Variants in SDK1 observed in about 807,000 individuals in gnomAD.
The protein encoded by SDK1 is protein sidekick-1.
Under a neutral mutation model 245.5 loss-of-function variants are expected in SDK1, and 157 were observed. That is an observed-to-expected ratio of 0.64 (90% CI 0.56 to 0.73). The LOEUF (loss-of-function observed/expected upper bound fraction) is 0.73. Among genes scored for constraint, SDK1 ranks in the 30% least tolerant of loss-of-function variants. The pLI is 0.00. For missense variants in SDK1, 3,583 were observed against 3,002.3 expected, an observed-to-expected ratio of 1.19 and a Z score of -4.52; for synonymous variants, 1,647 against 1,278.5, an observed-to-expected ratio of 1.29 and a Z score of -6.15.
chr7:3,648,224 G>T (rs1562629123), intron 4 of SDK1, among the ~76,000 whole-genome samples: 1 of 152,070 alleles, frequency 6.6e-6, no homozygotes, highest in South Asian at 2.1e-4. Flanking sequence ...ATGCCATGCT[G>T]TACTTCTCTT....
chr7:3,480,391 C>T (rs557456109), intron 1 of SDK1, among the ~76,000 whole-genome samples: 13 of 151,856 alleles, frequency 8.6e-5, no homozygotes, highest in Admixed American at 2.0e-4. Context: ...TTCCGTGTTC[C>T]GGATAAGCTG....
At chr7:3,773,053 A>G (rs1329738016) in intron 4 of SDK1, among the ~76,000 whole-genome samples, 2 of 152,202 alleles carry the variant, frequency 1.3e-5, no homozygotes, top group African/African-American at 4.8e-5. Flanking sequence ...AGAGATTGTT[A>G]AACTTCTTAG....
intron 35 of SDK1, among the ~76,000 whole-genome samples, chr7:4,193,299 T>G (rs1408655636): frequency 7.4e-6 from 1 of 135,606 alleles, no homozygotes; most frequent in Non-Finnish European, 1.5e-5. Context: ...AAATTACATA[T>G]AAAAATATTA....
chr7:4,122,650 A>G (rs939850586), intron 25 of SDK1, among the ~76,000 whole-genome samples: 1 of 152,168 alleles, frequency 6.6e-6, no homozygotes, highest in East Asian at 1.9e-4. Context: ...ACCGAGAGAG[A>G]CCACATGAGG....
intron 5 of SDK1, among the ~76,000 whole-genome samples, chr7:3,892,933 C>G (rs1781497885): frequency 6.6e-6 from 1 of 152,172 alleles, no homozygotes; most frequent in Admixed American, 6.5e-5. Context: ...GTTCTGATCT[C>G]TGCCAGCGCA....
chr7:3,422,196 G>A (rs1400756209), intron 1 of SDK1, among the ~76,000 whole-genome samples: 2 of 152,062 alleles, frequency 1.3e-5, no homozygotes, highest in African/African-American at 4.8e-5. Flanking sequence ...TGAATCAAAT[G>A]CAATAATTCT....
At position 3,454,144 on chromosome 7, in the gene SDK1, A is replaced by G. The variant is rs369277495; in HGVS notation, c.298+152260A>G. On this transcript the variant is annotated intron_variant, in intron 1 of 44. Transcript: ENST00000404826. ...TTATATAAACTTGGACCCGAGATCAATTGGTTGCCTGCTTACTCATTCTAT... is the reference window on the plus strand; with the variant it reads ...TTATATAAACTTGGACCCGAGATCAGTTGGTTGCCTGCTTACTCATTCTAT... 5.1e-4 allele frequency among the ~76,000 whole-genome samples: 77 copies of G among 152,316 alleles called. 2 individuals carry two copies. Among genetic ancestry groups the G allele is most frequent in the African/African-American group, 7.9e-4 (33 of 41,562 alleles).
chr7:3,526,363 CAT>C (rs1242335202), intron 1 of SDK1, among the ~76,000 whole-genome samples: 2 of 152,108 alleles, frequency 1.3e-5, no homozygotes, highest in Non-Finnish European at 2.9e-5. Context: ...ATATTTTTCA[CAT>C]ATTGGAGATA....
At chr7:4,109,278 T>C (rs1783169019) in intron 22 of SDK1, among the ~76,000 whole-genome samples, 1 of 152,186 alleles carries the variant, frequency 6.6e-6, no homozygotes, top group African/African-American at 2.4e-5. Flanking sequence ...TTGAGAGTTT[T>C]GCGCTTTGCC....
At chr7:3,937,328 C>T (rs1458811069) in intron 5 of SDK1, among the ~76,000 whole-genome samples, 1 of 152,158 alleles carries the variant, frequency 6.6e-6, no homozygotes, top group Non-Finnish European at 1.5e-5. Flanking sequence ...GTCATGCGTT[C>T]CAGTGGGGGA....
chr7:3,354,223 C>G (rs575894864), intron 1 of SDK1, among the ~76,000 whole-genome samples: 5 of 152,040 alleles, frequency 3.3e-5, no homozygotes, highest in East Asian at 1.9e-4. Flanking sequence ...TGGTCTTGAT[C>G]TCCTGACCTC....
chr7:3,718,805 G>C (rs141193539), intron 4 of SDK1, among the ~76,000 whole-genome samples: 1 of 151,904 alleles, frequency 6.6e-6, no homozygotes, highest in Non-Finnish European at 1.5e-5. Context: ...AAAAAAAAAG[G>C]CATCCAAGTT....
chr7:3,761,478 C>T (rs1332956292), intron 4 of SDK1, among the ~76,000 whole-genome samples: 9 of 150,252 alleles, frequency 6.0e-5, no homozygotes, highest in Admixed American at 4.0e-4. Context: ...GGCCTGAACC[C>T]GGGAGGCGGA....
At chr7:3,580,638 A>T (rs528577729) in intron 1 of SDK1, among the ~76,000 whole-genome samples, 52 of 152,268 alleles carry the variant, frequency 3.4e-4, no homozygotes, top group Middle Eastern at 3.4e-3. Context: ...CTCAAGATGG[A>T]TTAAAGACTT....
At chr7:3,905,991 C>G (rs1247357194) in intron 5 of SDK1, among the ~76,000 whole-genome samples, 2 of 152,012 alleles carry the variant, frequency 1.3e-5, no homozygotes, top group Non-Finnish European at 2.9e-5. Flanking sequence ...TGGTCTCCTT[C>G]TAGAACTCCG....
chr7:4,150,152 A>G (rs1484196925), intron 30 of SDK1, among the ~76,000 whole-genome samples: 1 of 152,086 alleles, frequency 6.6e-6, no homozygotes, highest in African/African-American at 2.4e-5. Flanking sequence ...TGGGCATCCC[A>G]GGGCTTAGAA....
intron 7 of SDK1, among the ~76,000 whole-genome samples, chr7:3,952,810 A>G (rs1780937202): frequency 6.6e-6 from 1 of 152,178 alleles, no homozygotes; most frequent in African/African-American, 2.4e-5. Flanking sequence ...AATGCTGGAA[A>G]CTATTAGTGT....
At chr7:3,581,188 G>A (rs2128632627) in intron 1 of SDK1, among the ~76,000 whole-genome samples, 1 of 152,106 alleles carries the variant, frequency 6.6e-6, no homozygotes, top group South Asian at 2.1e-4. Context: ...TGTAGAATAG[G>A]AGAAAATATT....
At chr7:4,117,015 T>C (rs17134383) in intron 25 of SDK1, among the ~76,000 whole-genome samples, 6,578 of 152,320 alleles carry the variant, frequency 0.043, 490 homozygotes, top group African/African-American at 0.15. Flanking sequence ...ATCTCTGTTA[T>C]CTTCACTGTC....
Sources: gnomAD v4.1 joint callset for allele counts (sites outside exome capture counted in the v4.1 genomes callset) on GRCh38, gnomAD v4.1.1 for gene constraint, MANE v1.5 for transcripts, NCBI Gene and HGNC (gene_info 2026-07-23, HGNC 2026-07-21) for gene names.